The following TOLLIP variants were observed in gnomAD, a reference collection of about 807,000 sequenced individuals.
TOLLIP encodes the protein toll interacting protein.
In TOLLIP, 16 loss-of-function variants were observed where a neutral mutation model predicts 33.5. That is an observed-to-expected ratio of 0.48 (90% CI 0.32 to 0.72). TOLLIP has a LOEUF of 0.72. Among genes scored for constraint, TOLLIP ranks in the 30% least tolerant of loss-of-function variants. The pLI is 0.03. For missense variants in TOLLIP, 325 were observed against 396.6 expected (o/e 0.82, Z 1.53); for synonymous variants, 176 against 163.7 (o/e 1.07, Z -0.57).
chr11:1,284,355 CT>C (rs112901594), intron 5 of TOLLIP, among the ~76,000 whole-genome samples: 75 of 146,770 alleles, frequency 5.1e-4, no homozygotes, highest in Admixed American at 7.5e-4. Flanking sequence ...TGGTGGTTTT[CT>C]TTTTTTTTTT....
At chr11:1,298,865 A>T (rs1864187086) in intron 1 of TOLLIP, among the ~76,000 whole-genome samples, 1 of 152,226 alleles carries the variant, frequency 6.6e-6, no homozygotes, top group Admixed American at 6.5e-5. Flanking sequence ...ACATCTGACA[A>T]AATCCCTGAC....
chr11:1,294,082 C>A (rs1199532235), intron 2 of TOLLIP, among the ~76,000 whole-genome samples: 1 of 152,114 alleles, frequency 6.6e-6, no homozygotes. Flanking sequence ...CAGTGTGTCT[C>A]CTTTCCCTGC....
chr11:1,298,769 C>T (rs1008773744), intron 1 of TOLLIP, among the ~76,000 whole-genome samples: 14 of 152,348 alleles, frequency 9.2e-5, no homozygotes, highest in South Asian at 2.1e-4. Flanking sequence ...CGCCATGTGG[C>T]GGGGCAGGTG....
chr11:1,308,954 G>A (rs1248473519), intron 1 of TOLLIP, among the ~76,000 whole-genome samples: 1 of 150,716 alleles, frequency 6.6e-6, no homozygotes, highest in East Asian at 2.0e-4. Flanking sequence ...CCTCCACCTG[G>A]GGGGCCATCA....
intron 1 of TOLLIP, chr11:1,306,146 G>A (rs970942185): frequency 3.9e-5 from 6 of 152,222 alleles, no homozygotes; most frequent in Non-Finnish European, 8.8e-5. Flanking sequence ...TTTGAAACGT[G>A]AGGGAAGCAC....
At chr11:1,289,214 C>T (rs1863851117) in intron 3 of TOLLIP, among the ~76,000 whole-genome samples, 1 of 152,236 alleles carries the variant, frequency 6.6e-6, no homozygotes. Flanking sequence ...CTCTGCACTT[C>T]CCATGCGCTC....
At position 1,290,027 on chromosome 11, in the gene TOLLIP, G is replaced by A; in HGVS notation, c.366+200C>T. On this transcript the variant is annotated intron_variant, in intron 3 of 5. Transcript: ENST00000317204. The surrounding 1 kb of genome is among the most constrained non-coding windows in gnomAD (Gnocchi z 4.9). The stretch of plus-strand genomic sequence containing the variant: ...TCACTGGGGATGTTTCCAAATGTAA[G>A]TATGTTCAAGGAGCTGGAAACAATC... 1.7e-6 allele frequency: 1 copy of A among 588,326 alleles called. No homozygotes were observed. The allele number at this position is 588,326 out of a possible 1,614,324, so 36.4% of individuals were successfully genotyped here. A position where few individuals can be genotyped will look rare whatever the true frequency, so the allele number is the denominator to read the frequency against.
Position 1,290,203 on chromosome 11 carries a change from T to C in TOLLIP, c.366+24A>G. 1 of 1,607,922 alleles carries C rather than the reference T, an allele frequency of 6.2e-7. No homozygotes were observed. The highest frequency in any genetic ancestry group is 8.5e-7 in the Non-Finnish European group (1 of 1,176,002). ...CACGCTCAGCCACGTGCAGCCTCCA[T>C]AATAGCTGGCACGTCCCTCTCACCT... On this transcript the variant is annotated intron_variant, in intron 3 of 5. Coordinates refer to ENST00000317204, the MANE Select transcript of TOLLIP (RefSeq NM_019009.4). The surrounding 1 kb of genome is among the most constrained non-coding windows in gnomAD (Gnocchi z 4.9).
In TOLLIP at chr11:1,285,996, A is replaced by G; in HGVS notation, c.610+6T>C. 1 of 1,586,664 alleles carries G rather than the reference A, an allele frequency of 6.3e-7. No individual in the cohort carries two copies. Among genetic ancestry groups the G allele is most frequent in the East Asian group, 2.3e-5 (1 of 44,028 alleles). The stretch of plus-strand genomic sequence containing the variant: ...GGAGAGGCACCCAGGGAGGGAGCAC[A>G]CGCACCTGTGATGGGCACATAGCCA... On this transcript the variant is annotated splice_donor_region_variant and intron_variant, in intron 5 of 5. Coordinates refer to ENST00000317204, the MANE Select transcript of TOLLIP (RefSeq NM_019009.4).
intron 3 of TOLLIP, among the ~76,000 whole-genome samples, chr11:1,289,247 AG>A (rs1863851768): frequency 6.6e-6 from 1 of 152,142 alleles, no homozygotes; most frequent in South Asian, 2.1e-4. Flanking sequence ...AGGGCCAGGG[AG>A]GGGAAAGCAG....
intron 5 of TOLLIP, among the ~76,000 whole-genome samples, chr11:1,281,731 G>A (rs1169471052): frequency 2.0e-5 from 3 of 152,252 alleles, no homozygotes; most frequent in African/African-American, 4.8e-5. Flanking sequence ...AGCCAGCACC[G>A]CGTAGCCAGG....
intron 5 of TOLLIP, among the ~76,000 whole-genome samples, chr11:1,281,920 C>T (rs1424113833): frequency 1.3e-5 from 2 of 152,248 alleles, no homozygotes; most frequent in Admixed American, 1.3e-4. Flanking sequence ...AGCCGCCAGC[C>T]TCTCCAAGGT....
chr11:1,280,752 T>C (rs3793964), intron 5 of TOLLIP, among the ~76,000 whole-genome samples: 98,946 of 151,660 alleles, frequency 0.65, 32,606 homozygotes, highest in African/African-American at 0.73. Context: ...GGAGGGAAAG[T>C]GAGGAGGGCC....
rs904985434 is a variant in TOLLIP, at chr11:1,276,691, G to A, written c.*348C>T. The A allele has an allele frequency of 4.3e-6, 6 of 1,394,568 alleles. No homozygotes were observed. Among genetic ancestry groups the A allele is most frequent in the South Asian group, 1.2e-5 (1 of 81,980 alleles). The allele number at this position is 1,394,568 out of a possible 1,614,324, so 86.4% of individuals were successfully genotyped here. On this transcript the variant is annotated 3_prime_UTR_variant, in exon 6 of 6. Transcript: ENST00000317204. Reference sequence around the variant, plus strand: ...ATCACAAAATGCCATGAATGGAATCGGAAGGCGCTCCACCACCTCCAACAC... The same window carrying A: ...ATCACAAAATGCCATGAATGGAATCAGAAGGCGCTCCACCACCTCCAACAC...
Position 1,286,025 on chromosome 11 carries a change from C to A in TOLLIP, c.587G>T (p.Gly196Val). 1 of 1,596,992 alleles carries A rather than the reference C, an allele frequency of 6.3e-7. No homozygotes were observed. The highest frequency in any genetic ancestry group is 1.8e-5 in the Admixed American group (1 of 56,792). ...VVLMPTVYQQ[G>V]VGYVPITGMP... is the part of the protein sequence containing the mutation. ...ACCTGTGATGGGCACATAGCCAACG[C>A]CCTGCTGGTACACTGTTGGCATCAG... is the stretch of plus-strand genomic sequence containing the variant. The change falls in exon 5 of 6, where the codon GGC (glycine) becomes GTC (valine). Residue 196 changes from glycine to valine, a missense_variant. Physicochemically the swap from Gly to Val is moderately radical, Grantham distance 109 (BLOSUM62 -3). Coordinates refer to ENST00000317204, the MANE Select transcript of TOLLIP (RefSeq NM_019009.4).
At chr11:1,286,241 C>T in intron 4 of TOLLIP, 149 bp from the exon 5 acceptor site, 1 of 632,856 alleles carries the variant, frequency 1.6e-6, no homozygotes, top group South Asian at 1.9e-5. Context: ...CTACACGAGC[C>T]CTGAGTGCAC....
chr11:1,279,819 G>A (rs1454039109), intron 5 of TOLLIP, among the ~76,000 whole-genome samples: 14 of 152,172 alleles, frequency 9.2e-5, no homozygotes, highest in Admixed American at 2.6e-4. Flanking sequence ...CTCAGACCAC[G>A]CAGCATGGTA....
Position 1,309,575 on chromosome 11 carries a change from T to A in TOLLIP, c.-77A>T. On this transcript the variant is annotated 5_prime_UTR_variant, in exon 1 of 6. Coordinates refer to ENST00000317204, the MANE Select transcript of TOLLIP (RefSeq NM_019009.4). ...GACCTCCTGCGCCCCCGCCGGAGCC[T>A]GCGACGGAGACAGTTGTCACCTCGA... 1 of 804,458 alleles carries A rather than the reference T, an allele frequency of 1.2e-6. No homozygotes were observed. Among genetic ancestry groups the A allele is most frequent in the Non-Finnish European group, 1.7e-6 (1 of 594,818 alleles). 49.8% of individuals were successfully genotyped at this position (804,458 alleles called of 1,614,324 possible). A position where few individuals can be genotyped will look rare whatever the true frequency, so the allele number is the denominator to read the frequency against.
chr11:1,277,267 T>A lies in TOLLIP; in HGVS notation c.611-14A>T, dbSNP rs761185521. The A allele has an allele frequency of 2.0e-6, 3 of 1,526,232 alleles. No homozygotes were observed. Among genetic ancestry groups the A allele is most frequent in the Admixed American group, 4.2e-5 (2 of 47,764 alleles). The allele number at this position is 1,526,232 out of a possible 1,614,324, so 94.5% of individuals were successfully genotyped here. Reference sequence around the variant, plus strand: ...CAGCGGGCATCCCTGGAAGCAAAGATCAAGTTTGGTAAAAACGTCGGAAAG... The same window carrying A: ...CAGCGGGCATCCCTGGAAGCAAAGAACAAGTTTGGTAAAAACGTCGGAAAG... On this transcript the variant is annotated splice_polypyrimidine_tract_variant and intron_variant, in intron 5 of 5. Coordinates refer to ENST00000317204, the MANE Select transcript of TOLLIP (RefSeq NM_019009.4). This position sits in a 1 kb window ranked among gnomAD's most constrained non-coding sequence, Gnocchi z 4.2.
Sources: allele counts gnomAD v4.1 joint callset (sites outside exome capture counted in the v4.1 genomes callset), GRCh38; gene constraint gnomAD v4.1.1; non-coding constraint Gnocchi (gnomAD v3.1); transcripts MANE v1.5; gene names NCBI Gene and HGNC (gene_info 2026-07-23, HGNC 2026-07-21).